SETD2: variants seen among roughly 807,000 people sequenced by gnomAD.
The protein encoded by SETD2 is SET domain containing 2, histone lysine methyltransferase.
SETD2 carries 31 observed loss-of-function variants against 242.1 expected under a neutral mutation model. That is an observed-to-expected ratio of 0.13 (90% confidence interval 0.10 to 0.17). SETD2 has a LOEUF of 0.17. SETD2 is among the 10% of genes least tolerant of loss of function. The pLI is 1.00. For synonymous variants in SETD2, 1,006 were observed against 1,066.5 expected (o/e 0.94, Z 1.11); for missense variants, 2,481 against 3,046.3 (o/e 0.81, Z 4.37).
At chr3:47,137,936 G>A (rs904213652) in intron 1 of SETD2, among the ~76,000 whole-genome samples, 5 of 151,350 alleles carry the variant, frequency 3.3e-5, no homozygotes, top group Non-Finnish European at 4.4e-5. Flanking sequence ...TGATCCACCC[G>A]CCTCAGTGTC....
At chr3:47,059,431 T>C (rs972454903) in intron 14 of SETD2, among the ~76,000 whole-genome samples, 4 of 151,266 alleles carry the variant, frequency 2.6e-5, no homozygotes, top group Admixed American at 1.3e-4. Flanking sequence ...TTTTTTGTTT[T>C]TTTTTTGAGA....
Position 47,057,245 on chromosome 3 carries a change from C to G in SETD2, c.6539G>C (p.Ser2180Thr), listed in dbSNP as rs766462859. 6.2e-7 allele frequency: 1 copy of G among 1,614,206 alleles called. No homozygotes were observed. The highest frequency in any genetic ancestry group is 8.5e-7 in the Non-Finnish European group (1 of 1,180,032). Residue 2180 changes from serine to threonine, a missense_variant, in exon 15 of 21, where the codon AGC (serine) becomes ACC (threonine). By Grantham distance (58) the Ser-to-Thr change is moderately conservative. Coordinates refer to ENST00000409792, the MANE Select transcript of SETD2 (RefSeq NM_014159.7). ...GAGCACCTTTCCAGCATTAGGGTTG[C>G]TGGGATCCACATAGGCCTGCATGGG... ...GYPMQAYVDPSNPNAGKVLLP... is the reference protein window; with the variant it reads ...GYPMQAYVDPTNPNAGKVLLP...
chr3:47,160,518 C>T (rs1697459687), intron 1 of SETD2, among the ~76,000 whole-genome samples: 1 of 151,740 alleles, frequency 6.6e-6, no homozygotes, highest in Admixed American at 6.6e-5. Context: ...CCATCTTGGC[C>T]AGGCTGGTCT....
chr3:47,020,238 C>G (rs1057288071), intron 18 of SETD2, among the ~76,000 whole-genome samples: 6 of 152,130 alleles, frequency 3.9e-5, no homozygotes, highest in Non-Finnish European at 8.8e-5. Flanking sequence ...GCGAAATGCT[C>G]TGTTCTGAAG....
intron 3 of SETD2, chr3:47,119,888 A>G (rs796984744): frequency 4.2e-6 from 2 of 471,804 alleles, no homozygotes; most frequent in South Asian, 2.0e-5. Context: ...TTTCACATGT[A>G]AAAGGAATTA....
At chr3:47,053,091 T>C (rs2039919031) in intron 15 of SETD2, among the ~76,000 whole-genome samples, 1 of 152,034 alleles carries the variant, frequency 6.6e-6, no homozygotes, top group African/African-American at 2.4e-5. Flanking sequence ...TTTCACCATG[T>C]TGGCCAGACT....
intron 1 of SETD2, among the ~76,000 whole-genome samples, chr3:47,151,361 T>C (rs1396430800): frequency 6.6e-6 from 1 of 152,094 alleles, no homozygotes; most frequent in Non-Finnish European, 1.5e-5. Flanking sequence ...TAAAAACTTA[T>C]ATGAAAAAAT....
In SETD2 at chr3:47,147,202, A is replaced by G. The variant is rs548236126; in HGVS notation, c.71+16652T>C. ...TTTTTTTTGTATTTTTAGTAGAGACAGGGTTTCACCATGTTGGCCAGGCTG... is the reference window on the plus strand; with the variant it reads ...TTTTTTTTGTATTTTTAGTAGAGACGGGGTTTCACCATGTTGGCCAGGCTG... On this transcript the variant is annotated intron_variant, in intron 1 of 20. Coordinates refer to ENST00000409792, the MANE Select transcript of SETD2 (RefSeq NM_014159.7). 3.5e-4 allele frequency among the ~76,000 whole-genome samples: 53 copies of G among 151,860 alleles called. No homozygotes were observed. The South Asian group carries it at 0.011, about 31-fold the overall frequency.
At chr3:47,018,841 T>C (rs2038093726) in intron 19 of SETD2, among the ~76,000 whole-genome samples, 2 of 152,152 alleles carry the variant, frequency 1.3e-5, no homozygotes, top group African/African-American at 4.8e-5. Flanking sequence ...CACTTACAAC[T>C]CCCTGGAAGG....
chr3:47,070,894 A>G (rs1488149327), intron 12 of SETD2, among the ~76,000 whole-genome samples: 1 of 152,138 alleles, frequency 6.6e-6, no homozygotes, highest in African/African-American at 2.4e-5. Context: ...CTAAGATTTA[A>G]TATTGTGTGT....
chr3:47,140,834 G>A (rs2043710803), intron 1 of SETD2, among the ~76,000 whole-genome samples: 1 of 152,092 alleles, frequency 6.6e-6, no homozygotes, highest in African/African-American at 2.4e-5. Flanking sequence ...TTGCACTCCA[G>A]CCTGGGTGAC....
chr3:47,089,504 G>A (rs2041707437), intron 9 of SETD2, among the ~76,000 whole-genome samples: 2 of 152,164 alleles, frequency 1.3e-5, no homozygotes, highest in Non-Finnish European at 2.9e-5. Context: ...TCTAGGTAGG[G>A]AGAAGGAAGC....
intron 3 of SETD2, among the ~76,000 whole-genome samples, chr3:47,118,050 T>C (rs139198348): frequency 5.3e-5 from 8 of 152,348 alleles, no homozygotes; most frequent in African/African-American, 1.9e-4. Context: ...CTTCAACATA[T>C]GTTCTATTCT....
chr3:47,107,509 A>T (rs575227858), intron 5 of SETD2, among the ~76,000 whole-genome samples: 1 of 152,290 alleles, frequency 6.6e-6, no homozygotes, highest in Non-Finnish European at 1.5e-5. Context: ...TTTAGGTCTC[A>T]ATAATAAAAA....
chr3:47,123,838 G>A lies in SETD2; in HGVS notation c.798C>T (p.His266=), dbSNP rs375614739. 26 of 1,547,886 alleles carry A rather than the reference G, an allele frequency of 1.7e-5. No individual in the cohort carries two copies. The highest frequency in any genetic ancestry group is 1.5e-4 in the African/African-American group (11 of 72,824). The part of the protein sequence containing the change: ...QDTISNSLEE[H]VTQILNEQAD... ...CTTGCTCATTCAATATTTGAGTTACGTGTTCTTCTAAACTATTAGATATAG... is the reference window on the plus strand; with the variant it reads ...CTTGCTCATTCAATATTTGAGTTACATGTTCTTCTAAACTATTAGATATAG... The change falls in exon 3 of 21, where the codon CAC becomes CAT. Residue 266 remains histidine, a synonymous_variant. Transcript: ENST00000409792.
Position 47,120,478 on chromosome 3 carries a change from CT to C in SETD2, c.4157del (p.Lys1386ArgfsTer8), listed in dbSNP as rs2107742030. ...SIKDTLAVNEKKDFSKNLEKN... is the reference protein window; with the variant it reads ...SIKDTLAVNEXKDFSKNLEKN... ...TTTCTAAGTTTTTTGAAAAATCTTT[CT>C]TTTCATTCACAGCTAAAGTGTCCTT... On this transcript the variant is annotated frameshift_variant, in exon 3 of 21. Coordinates refer to ENST00000409792, the MANE Select transcript of SETD2 (RefSeq NM_014159.7). LOFTEE classifies it high-confidence loss of function. The C allele has an allele frequency of 6.2e-7, 1 of 1,613,508 alleles. No individual in the cohort carries two copies. Among genetic ancestry groups the C allele is most frequent in the African/African-American group, 1.3e-5 (1 of 74,890 alleles).
intron 5 of SETD2, among the ~76,000 whole-genome samples, chr3:47,110,734 G>A (rs2042615830): frequency 6.6e-6 from 1 of 152,148 alleles, no homozygotes; most frequent in Admixed American, 6.5e-5. Flanking sequence ...TCATGTGGCA[G>A]TTATAGGAGT....
chr3:47,114,029 T>TA (rs761856051), intron 4 of SETD2, 25 bp from the exon 5 acceptor site: 1 of 1,595,292 alleles, frequency 6.3e-7, no homozygotes, highest in East Asian at 2.2e-5. Context: ...GGAGGAAATT[T>TA]AATTCTTTAA....
At chr3:47,101,978 GTAAGA>G (rs1408373641) in intron 7 of SETD2, among the ~76,000 whole-genome samples, 2 of 152,180 alleles carry the variant, frequency 1.3e-5, no homozygotes, top group Non-Finnish European at 2.9e-5. Flanking sequence ...TAACCATGTT[GTAAGA>G]TAAGATGAGA....
Sources: allele counts gnomAD v4.1 joint callset (sites outside exome capture counted in the v4.1 genomes callset), GRCh38; gene constraint gnomAD v4.1.1; transcripts MANE v1.5; gene names NCBI Gene and HGNC (gene_info 2026-07-23, HGNC 2026-07-21).